DMRT1: variants seen among roughly 807,000 people sequenced by gnomAD.
The protein encoded by DMRT1 is doublesex- and mab-3-related transcription factor 1.
DMRT1 carries 7 observed loss-of-function variants against 32.3 expected under a neutral mutation model. The observed-to-expected ratio is 0.22, with a 90% CI of 0.12 to 0.41. DMRT1 has a LOEUF of 0.41. Ranked by LOEUF, DMRT1 falls within the 10% of genes least tolerant of loss-of-function variation. DMRT1 has a pLI of 1.00. For missense variants in DMRT1, 625 were observed against 500.5 expected, an observed-to-expected ratio of 1.25 and a Z score of -2.37; for synonymous variants, 278 against 206.1, an observed-to-expected ratio of 1.35 and a Z score of -2.99.
chr9:923,455 T>C (rs1438866732), intron 4 of DMRT1, among the ~76,000 whole-genome samples: 1 of 129,342 alleles, frequency 7.7e-6, no homozygotes, highest in Non-Finnish European at 1.6e-5. Flanking sequence ...GGTGAGGATG[T>C]TGGCTCTGTG....
At chr9:937,928 A>G (rs1818940444) in intron 4 of DMRT1, among the ~76,000 whole-genome samples, 1 of 152,000 alleles carries the variant, frequency 6.6e-6, no homozygotes, top group Non-Finnish European at 1.5e-5. Context: ...TGTCAAATCC[A>G]AGGTTATAAA....
At chr9:886,537 T>C (rs373535077) in intron 2 of DMRT1, among the ~76,000 whole-genome samples, 6 of 152,050 alleles carry the variant, frequency 3.9e-5, no homozygotes, top group African/African-American at 1.4e-4. Context: ...ATTACACGCG[T>C]GAGCCACCGT....
chr9:896,072 G>C (rs4740963), intron 3 of DMRT1, among the ~76,000 whole-genome samples: 4,921 of 151,544 alleles, frequency 0.032, 217 homozygotes, highest in East Asian at 0.14. Context: ...CAAAGTGCTG[G>C]GATTACAGGC....
chr9:894,504 T>C, intron 3 of DMRT1: 1 of 419,322 alleles, frequency 2.4e-6, no homozygotes, highest in South Asian at 2.2e-5. Flanking sequence ...TTCTCATTTT[T>C]TGAATGTTGC....
intron 3 of DMRT1, among the ~76,000 whole-genome samples, chr9:897,980 G>C (rs1269920601): frequency 6.6e-6 from 1 of 152,154 alleles, no homozygotes; most frequent in Non-Finnish European, 1.5e-5. Context: ...TGCAAAATGC[G>C]TTAAGACATA....
intron 2 of DMRT1, among the ~76,000 whole-genome samples, chr9:865,581 G>A (rs548798908): frequency 2.6e-5 from 4 of 152,186 alleles, no homozygotes; most frequent in Admixed American, 6.5e-5. Context: ...GAATGAGCCC[G>A]GATATGATTT....
intron 3 of DMRT1, among the ~76,000 whole-genome samples, chr9:907,322 G>T (rs1817811161): frequency 6.6e-6 from 1 of 152,278 alleles, no homozygotes; most frequent in East Asian, 1.9e-4. Flanking sequence ...CATGGGTTCA[G>T]TTGGGAAGTC....
intron 2 of DMRT1, among the ~76,000 whole-genome samples, chr9:854,097 C>G (rs1233194646): frequency 1.3e-5 from 2 of 148,288 alleles, no homozygotes; most frequent in Non-Finnish European, 3.0e-5. Flanking sequence ...AGGTGTGAGC[C>G]TACACACTAA....
intron 2 of DMRT1, among the ~76,000 whole-genome samples, chr9:876,421 T>G (rs959304482): frequency 2.0e-5 from 3 of 152,126 alleles, no homozygotes; most frequent in Non-Finnish European, 4.4e-5. Flanking sequence ...CTTTGGAGCT[T>G]AAGAACTTGA....
intron 2 of DMRT1, among the ~76,000 whole-genome samples, chr9:884,257 A>G (rs1358875035): frequency 2.0e-5 from 3 of 152,010 alleles, no homozygotes; most frequent in East Asian, 3.9e-4. Flanking sequence ...TTAATATGTC[A>G]TGGGCCCAGA....
chr9:905,068 A>G (rs10977402), intron 3 of DMRT1, among the ~76,000 whole-genome samples: 46,881 of 152,228 alleles, frequency 0.31, 12,105 homozygotes, highest in African/African-American at 0.71. Context: ...GGGTGGGGAC[A>G]AGTGTTTGAT....
chr9:878,200 G>GACCCC (rs149257815), intron 2 of DMRT1, among the ~76,000 whole-genome samples: 1 of 94,040 alleles, frequency 1.1e-5, no homozygotes. Flanking sequence ...TGCAGCTGCT[G>GACCCC]CCCCCCCCCC....
chr9:923,917 C>T (rs1818436076), intron 4 of DMRT1, among the ~76,000 whole-genome samples: 1 of 152,014 alleles, frequency 6.6e-6, no homozygotes, highest in Admixed American at 6.6e-5. Flanking sequence ...CGTTATGTGT[C>T]CATTTTGTTC....
chr9:958,839 G>C (rs1819678664), intron 4 of DMRT1, among the ~76,000 whole-genome samples: 1 of 152,200 alleles, frequency 6.6e-6, no homozygotes, highest in Non-Finnish European at 1.5e-5. Context: ...TGGCGCTCTG[G>C]ATGAGAAGGC....
chr9:868,089 C>A (rs1486560644), intron 2 of DMRT1, among the ~76,000 whole-genome samples: 2 of 152,178 alleles, frequency 1.3e-5, no homozygotes, highest in East Asian at 3.9e-4. Context: ...GCAGTCCTCC[C>A]ACCTCAGCCT....
At chr9:955,234 G>T (rs538704693) in intron 4 of DMRT1, among the ~76,000 whole-genome samples, 1 of 152,218 alleles carries the variant, frequency 6.6e-6, no homozygotes, top group South Asian at 2.1e-4. Context: ...GAAAGAGCAG[G>T]GCAGGCCACT....
At chr9:892,111 C>T (rs968150498) in intron 2 of DMRT1, among the ~76,000 whole-genome samples, 4 of 152,134 alleles carry the variant, frequency 2.6e-5, no homozygotes, top group Non-Finnish European at 4.4e-5. Context: ...TGGTTAAAAC[C>T]GCAAGGCCCT....
intron 4 of DMRT1, among the ~76,000 whole-genome samples, chr9:918,965 T>A (rs1466949382): frequency 6.6e-6 from 1 of 152,096 alleles, no homozygotes; most frequent in Non-Finnish European, 1.5e-5. Flanking sequence ...GGATCCTCAG[T>A]TTTATCAGCA....
chr9:937,126 A>G (rs979682324), intron 4 of DMRT1, among the ~76,000 whole-genome samples: 1 of 152,162 alleles, frequency 6.6e-6, no homozygotes, highest in Admixed American at 6.5e-5. Context: ...GGCTTATTTC[A>G]CTAAGCACGG....
Sources: allele counts gnomAD v4.1 joint callset (sites outside exome capture counted in the v4.1 genomes callset), GRCh38; gene constraint gnomAD v4.1.1; transcripts MANE v1.5; gene names NCBI Gene and HGNC (gene_info 2026-07-23, HGNC 2026-07-21).